The following ZNF654 variants were observed in gnomAD, a reference collection of about 807,000 sequenced individuals.
The protein encoded by ZNF654 is melanoma-associated antigen.
In ZNF654, 19 loss-of-function variants were observed where a neutral mutation model predicts 95.3. The observed-to-expected ratio is 0.20, with a 90% CI of 0.14 to 0.29. ZNF654 has a LOEUF of 0.29. ZNF654 is among the 10% of genes least tolerant of loss of function. The pLI is 1.00. For missense variants in ZNF654, 1,046 were observed against 1,341.0 expected, an observed-to-expected ratio of 0.78 and a Z score of 3.44; for synonymous variants, 413 against 457.9, an observed-to-expected ratio of 0.90 and a Z score of 1.25.
At chr3:88,101,393 CT>C (rs1342723498) in intron 2 of ZNF654, among the ~76,000 whole-genome samples, 2 of 152,088 alleles carry the variant, frequency 1.3e-5, no homozygotes, top group Non-Finnish European at 2.9e-5. Context: ...ATTTTGGATA[CT>C]TTCACTTAGA....
At position 88,083,757 on chromosome 3, in the gene ZNF654, G is replaced by A. The variant is rs922630205; in HGVS notation, c.187-2500G>A. Among the ~76,000 whole-genome samples the A allele has an allele frequency of 5.9e-5, 9 of 151,982 alleles. 1 individual carries two copies. Among genetic ancestry groups the A allele is most frequent in the Admixed American group, 1.3e-4 (2 of 15,256 alleles). On this transcript the variant is annotated intron_variant, in intron 1 of 8. Coordinates refer to ENST00000636215, the MANE Select transcript of ZNF654 (RefSeq NM_001350134.2). ...TCTTATTTGTTTTAGCAGCTTCAGC[G>A]TTATCCTGGCCACCATTATGTTAAT...
intron 2 of ZNF654, among the ~76,000 whole-genome samples, chr3:88,101,754 A>C (rs568370651): frequency 6.6e-6 from 1 of 152,306 alleles, no homozygotes; most frequent in East Asian, 1.9e-4. Flanking sequence ...TGCTAACCAA[A>C]GTGACTGTAC....
At chr3:88,123,784 C>T (rs1705922552) in intron 3 of ZNF654, among the ~76,000 whole-genome samples, 1 of 152,156 alleles carries the variant, frequency 6.6e-6, no homozygotes, top group South Asian at 2.1e-4. Context: ...ACCAATGACT[C>T]AGGGACTAGT....
rs201714530 is a variant in ZNF654, at chr3:88,140,579, T to C, written c.2910T>C (p.Asn970=). The C allele has an allele frequency of 1.3e-5, 21 of 1,613,690 alleles. No homozygotes were observed. Among genetic ancestry groups the C allele is most frequent in the Non-Finnish European group, 1.8e-5 (21 of 1,179,724 alleles). The part of the protein sequence containing the change: ...MPDIEPNSEN[N]CSSSDIVNGH... Reference sequence around the variant, plus strand: ...ACATAGAGCCAAATTCTGAAAATAATTGTAGTAGTAGTGATATAGTCAATG... The same window carrying C: ...ACATAGAGCCAAATTCTGAAAATAACTGTAGTAGTAGTGATATAGTCAATG... The change falls in exon 8 of 9, where the codon AAT becomes AAC. Residue 970 remains asparagine (N), a synonymous_variant. Coordinates refer to ENST00000636215, the MANE Select transcript of ZNF654 (RefSeq NM_001350134.2).
intron 2 of ZNF654, among the ~76,000 whole-genome samples, chr3:88,102,155 T>G (rs1471988209): frequency 1.3e-5 from 2 of 152,148 alleles, no homozygotes; most frequent in African/African-American, 4.8e-5. Flanking sequence ...AGAAATTTGG[T>G]TGTAATGTGT....
At chr3:88,079,992 A>G (rs1273807354) in intron 1 of ZNF654, among the ~76,000 whole-genome samples, 2 of 151,982 alleles carry the variant, frequency 1.3e-5, no homozygotes, top group Admixed American at 1.3e-4. Flanking sequence ...CCATTACATG[A>G]TTATACTGAT....
At chr3:88,134,729 A>G (rs1419848529) in intron 6 of ZNF654, among the ~76,000 whole-genome samples, 1 of 152,114 alleles carries the variant, frequency 6.6e-6, no homozygotes, top group Non-Finnish European at 1.5e-5. Flanking sequence ...TATTAATTAA[A>G]GGCCAAAGTT....
intron 7 of ZNF654, among the ~76,000 whole-genome samples, chr3:88,135,811 A>G (rs985623613): frequency 2.0e-5 from 3 of 152,154 alleles, no homozygotes; most frequent in East Asian, 1.9e-4. Flanking sequence ...CAAAATATCA[A>G]TAAGACTTCG....
intron 1 of ZNF654, among the ~76,000 whole-genome samples, chr3:88,073,711 T>G (rs1402035543): frequency 6.6e-6 from 1 of 152,170 alleles, no homozygotes; most frequent in Admixed American, 6.5e-5. Context: ...AAATGAACAG[T>G]ATAGTTTTGG....
chr3:88,128,611 C>G (rs1706262512), intron 4 of ZNF654, among the ~76,000 whole-genome samples, 198 bp from the exon 5 acceptor site: 1 of 151,950 alleles, frequency 6.6e-6, no homozygotes, highest in Non-Finnish European at 1.5e-5. Flanking sequence ...TTCTTGAGCA[C>G]TGTTTTGGTG....
Position 88,126,283 on chromosome 3 carries a change from T to C in ZNF654, c.550+14T>C, listed in dbSNP as rs1706092365. ...CTCAGGAGATAGGTACTTCAGGAGA[T>C]TCAAAATCAAACCAACATTTGTGAG... On this transcript the variant is annotated intron_variant, in intron 4 of 8. Coordinates refer to ENST00000636215, the MANE Select transcript of ZNF654 (RefSeq NM_001350134.2). 2.1e-6 allele frequency: 3 copies of C among 1,463,138 alleles called. No homozygotes were observed. The highest frequency in any genetic ancestry group is 2.4e-5 in the Admixed American group (1 of 41,066). 90.6% of individuals were successfully genotyped at this position (1,463,138 alleles called of 1,614,324 possible). A position where few individuals can be genotyped will look rare whatever the true frequency, so the allele number is the denominator to read the frequency against.
At position 88,059,266 on chromosome 3, in the gene ZNF654, C is replaced by A. The variant is rs562910146; in HGVS notation, c.-54C>A. Reference sequence around the variant, plus strand: ...AGGAGGAGGAGGTTAGCCTAGGCATCTACGGCGGCGGCGGCGGCGCAGGGG... The same window carrying A: ...AGGAGGAGGAGGTTAGCCTAGGCATATACGGCGGCGGCGGCGGCGCAGGGG... On this transcript the variant is annotated 5_prime_UTR_variant, in exon 1 of 9. Transcript: ENST00000636215. 5.2e-6 allele frequency: 8 copies of A among 1,531,922 alleles called. No individual in the cohort carries two copies. The highest frequency in any genetic ancestry group is 6.1e-6 in the Non-Finnish European group (7 of 1,145,808). 94.9% of individuals were successfully genotyped at this position (1,531,922 alleles called of 1,614,324 possible). A position where few individuals can be genotyped will look rare whatever the true frequency, so the allele number is the denominator to read the frequency against.
rs78489599 is a variant in ZNF654, at chr3:88,142,659, T to C, written c.*1007T>C. 0.06 allele frequency: 9,202 copies of C among 152,334 alleles called. 811 individuals are homozygous for C. Among genetic ancestry groups the C allele is most frequent in the African/African-American group, 0.19 (7,959 of 41,460 alleles). 9.4% of individuals were successfully genotyped at this position (152,334 alleles called of 1,614,324 possible). A position where few individuals can be genotyped will look rare whatever the true frequency, so the allele number is the denominator to read the frequency against. On this transcript the variant is annotated 3_prime_UTR_variant, in exon 9 of 9. Transcript: ENST00000636215. ...CTCAAAAAATCAGCTAAGAATCAGG[T>C]TGAGAAATCATTCATTTTATTCTAT...
intron 1 of ZNF654, among the ~76,000 whole-genome samples, chr3:88,064,281 G>A (rs1707069463): frequency 6.6e-6 from 1 of 151,954 alleles, no homozygotes; most frequent in Admixed American, 6.6e-5. Context: ...GGAATCAGTT[G>A]GCCTAGTACA....
chr3:88,130,867 C>T (rs1706417448), intron 6 of ZNF654, among the ~76,000 whole-genome samples: 1 of 151,910 alleles, frequency 6.6e-6, no homozygotes, highest in African/African-American at 2.4e-5. Flanking sequence ...CTAGGGGTTA[C>T]AGTATACCTT....
chr3:88,085,945 G>C (rs1389945005), intron 1 of ZNF654, among the ~76,000 whole-genome samples: 1 of 151,864 alleles, frequency 6.6e-6, no homozygotes, highest in Admixed American at 6.6e-5. Context: ...TTTTAATATT[G>C]AATAATTGTT....
chr3:88,080,055 T>C (rs1708002606), intron 1 of ZNF654, among the ~76,000 whole-genome samples: 1 of 152,102 alleles, frequency 6.6e-6, no homozygotes, highest in East Asian at 1.9e-4. Flanking sequence ...AATTTATCTT[T>C]TTCATTCTCC....
At chr3:88,132,863 G>A (rs1487364983) in intron 6 of ZNF654, among the ~76,000 whole-genome samples, 4 of 152,198 alleles carry the variant, frequency 2.6e-5, no homozygotes, top group Non-Finnish European at 5.9e-5. Flanking sequence ...GTTGGAATTT[G>A]TACTAGTTAG....
rs184136178 is a variant in ZNF654 at position 88,073,914 on chromosome 3, C to T, written c.187-12343C>T. ...ATTTATTTTCTCCTTTTAGTAATGTCTCAGTACTTAAGAGTATACGGCTTT... is the reference window on the plus strand; with the variant it reads ...ATTTATTTTCTCCTTTTAGTAATGTTTCAGTACTTAAGAGTATACGGCTTT... On this transcript the variant is annotated intron_variant, in intron 1 of 8. Coordinates refer to ENST00000636215, the MANE Select transcript of ZNF654 (RefSeq NM_001350134.2). Among the ~76,000 whole-genome samples the T allele has an allele frequency of 3.9e-5, 6 of 152,186 alleles. No homozygotes were observed. The East Asian group carries it at 7.7e-4, about 20-fold the overall frequency.
Sources: gnomAD v4.1 joint callset for allele counts (sites outside exome capture counted in the v4.1 genomes callset) on GRCh38, gnomAD v4.1.1 for gene constraint, MANE v1.5 for transcripts, NCBI Gene and HGNC (gene_info 2026-07-23, HGNC 2026-07-21) for gene names.